Variants in DNAH14 observed in about 807,000 individuals in gnomAD.
The protein encoded by DNAH14 is axonemal beta dynein heavy chain 14.
Under a neutral mutation model 520.9 loss-of-function variants are expected in DNAH14, and 478 were observed. The observed-to-expected ratio is 0.92, with a 90% CI of 0.85 to 0.99. DNAH14 has a LOEUF of 0.99. Among genes scored for constraint, DNAH14 ranks in the 50% least tolerant of loss-of-function variants. The pLI is 0.00. For missense variants in DNAH14, 4,831 were observed against 5,234.5 expected, an observed-to-expected ratio of 0.92 and a Z score of 2.38; for synonymous variants, 1,581 against 1,757.2, an observed-to-expected ratio of 0.90 and a Z score of 2.51.
At chr1:225,190,965 C>T (rs1417679866) in intron 37 of DNAH14, among the ~76,000 whole-genome samples, 2 of 152,134 alleles carry the variant, frequency 1.3e-5, no homozygotes, top group Middle Eastern at 3.4e-3. Context: ...TCTACTCCTT[C>T]CCAGCTCTGT....
At position 225,252,904 on chromosome 1, in the gene DNAH14, T is replaced by G. The variant is rs371626431; in HGVS notation, c.6865+487T>G. On this transcript the variant is annotated intron_variant, in intron 44 of 85. Transcript: ENST00000682510. ...TCTACATATAGCAGAAAAAAGAAACTTGTTGCACTTTGAGAGCTTGGTAGA... is the reference window on the plus strand; with the variant it reads ...TCTACATATAGCAGAAAAAAGAAACGTGTTGCACTTTGAGAGCTTGGTAGA... Among the ~76,000 whole-genome samples, 11 of 152,272 alleles carry G rather than the reference T, an allele frequency of 7.2e-5. No homozygotes were observed. In the East Asian group the frequency reaches 1.7e-3, roughly 24 times the overall value.
intron 2 of DNAH14, 57 bp from the exon 3 acceptor site, chr1:224,954,902 A>T: frequency 7.1e-7 from 1 of 1,413,296 alleles, no homozygotes; most frequent in Non-Finnish European, 9.8e-7. Context: ...ATAGCTCAGT[A>T]TTTTATTGGT....
chr1:225,040,420 G>A (rs758002685), intron 12 of DNAH14, among the ~76,000 whole-genome samples: 1 of 152,006 alleles, frequency 6.6e-6, no homozygotes, highest in Non-Finnish European at 1.5e-5. Context: ...TTTTACTTTC[G>A]TATATGTATA....
At position 225,324,756 on chromosome 1, in the gene DNAH14, T is replaced by G; in HGVS notation, c.9647T>G (p.Ile3216Ser). The change falls in exon 64 of 86, where the codon ATC becomes AGC. Residue 3216 changes from isoleucine to serine, a missense_variant. Coordinates refer to ENST00000682510, the MANE Select transcript of DNAH14 (RefSeq NM_001367479.1). ...TTTAAGGTTGTGGGCCCTAAACAAA[T>G]CCAAGTAGCTGAAGCTCAAAACGTC... ...EVQKVVGPKQ[I>S]QVAEAQNVLK... The G allele has an allele frequency of 6.4e-7, 1 of 1,551,454 alleles. No individual in the cohort carries two copies. Among genetic ancestry groups the G allele is most frequent in the Non-Finnish European group, 8.7e-7 (1 of 1,146,896 alleles).
At chr1:225,255,815 A>C (rs1465726464) in intron 44 of DNAH14, among the ~76,000 whole-genome samples, 1 of 152,200 alleles carries the variant, frequency 6.6e-6, no homozygotes, top group African/African-American at 2.4e-5. Flanking sequence ...ACCATTTATA[A>C]AGAAATAAAA....
intron 8 of DNAH14, among the ~76,000 whole-genome samples, chr1:224,986,375 G>A (rs1280314175): frequency 7.1e-6 from 1 of 139,862 alleles, no homozygotes; most frequent in Admixed American, 7.0e-5. Flanking sequence ...AAAAAATGAT[G>A]CAAAAATCCT....
chr1:225,382,046 C>A (rs2095789925), intron 81 of DNAH14, among the ~76,000 whole-genome samples: 2 of 152,202 alleles, frequency 1.3e-5, no homozygotes, highest in South Asian at 4.1e-4. Flanking sequence ...ATGTTGGACA[C>A]AAACACTATT....
intron 23 of DNAH14, among the ~76,000 whole-genome samples, chr1:225,110,085 A>T (rs888367997): frequency 6.6e-6 from 1 of 152,032 alleles, no homozygotes; most frequent in Non-Finnish European, 1.5e-5. Context: ...TTTGGTTTGC[A>T]TGCATTTTGT....
chr1:224,987,871 C>T (rs776021334), intron 8 of DNAH14, among the ~76,000 whole-genome samples: 2 of 152,126 alleles, frequency 1.3e-5, no homozygotes, highest in Non-Finnish European at 2.9e-5. Flanking sequence ...CATGATCCAC[C>T]TCCCTTGGCT....
At chr1:225,254,092 T>C (rs1406617928) in intron 44 of DNAH14, among the ~76,000 whole-genome samples, 2 of 151,942 alleles carry the variant, frequency 1.3e-5, no homozygotes, top group Middle Eastern at 3.2e-3. Context: ...TTCTTGCTCC[T>C]GAGATGTGGT....
At chr1:225,128,091 T>C (rs556883721) in intron 27 of DNAH14, among the ~76,000 whole-genome samples, 3 of 152,346 alleles carry the variant, frequency 2.0e-5, no homozygotes, top group Non-Finnish European at 2.9e-5. Flanking sequence ...GTTAGTCTAA[T>C]GGGCTTCCCT....
chr1:224,956,486 T>G (rs2060520033), intron 3 of DNAH14, among the ~76,000 whole-genome samples: 3 of 152,150 alleles, frequency 2.0e-5, no homozygotes. Context: ...TATACAGATT[T>G]GTAGCCTCGG....
intron 43 of DNAH14, among the ~76,000 whole-genome samples, chr1:225,243,565 A>G (rs2092096958): frequency 6.6e-6 from 1 of 152,144 alleles, no homozygotes; most frequent in African/African-American, 2.4e-5. Context: ...TCCTAAAAAG[A>G]TAAATGAATG....
chr1:225,031,211 A>AC (rs2066497296), intron 11 of DNAH14, among the ~76,000 whole-genome samples: 1 of 152,028 alleles, frequency 6.6e-6, no homozygotes, highest in Admixed American at 6.6e-5. Context: ...TTGCATATTG[A>AC]CCTTGTATCT....
intron 34 of DNAH14, among the ~76,000 whole-genome samples, chr1:225,154,362 T>A (rs1025409226): frequency 6.6e-6 from 1 of 152,114 alleles, no homozygotes; most frequent in South Asian, 2.1e-4. Flanking sequence ...TGCTTATTTT[T>A]GGGCAAGCTG....
At position 225,322,766 on chromosome 1, in the gene DNAH14, A is replaced by G. The variant is rs1198251153; in HGVS notation, c.9438A>G (p.Ser3146=). The G allele has an allele frequency of 6.4e-7, 1 of 1,551,740 alleles. No individual in the cohort carries two copies. The highest frequency in any genetic ancestry group is 1.4e-5 in the African/African-American group (1 of 73,040). ...PNWATAKLLL[S]ETGFLKKLIN... ...GGGCAACGGCAAAGTTACTTCTTTCAGAAACTGGTTTCCTGAAAAAATTGA... is the reference window on the plus strand; with the variant it reads ...GGGCAACGGCAAAGTTACTTCTTTCGGAAACTGGTTTCCTGAAAAAATTGA... Residue 3146 remains serine (S), a synonymous_variant, in exon 62 of 86, where the codon TCA becomes TCG. Transcript: ENST00000682510.
At chr1:225,239,418 G>T (rs1209076419) in intron 42 of DNAH14, among the ~76,000 whole-genome samples, 1 of 152,110 alleles carries the variant, frequency 6.6e-6, no homozygotes, top group Non-Finnish European at 1.5e-5. Context: ...CCCTTGGCTG[G>T]GGGTGGAAGG....
chr1:225,181,363 C>A (rs2083974995), intron 36 of DNAH14, among the ~76,000 whole-genome samples: 1 of 152,146 alleles, frequency 6.6e-6, no homozygotes, highest in South Asian at 2.1e-4. Context: ...ATTGCTGGGG[C>A]AAATGGTAGT....
At chr1:225,190,266 T>C (rs1190083512) in intron 37 of DNAH14, among the ~76,000 whole-genome samples, 1 of 152,074 alleles carries the variant, frequency 6.6e-6, no homozygotes, top group Non-Finnish European at 1.5e-5. Context: ...ATAAAAATTA[T>C]GTGAATGTGA....
Sources: gnomAD v4.1 joint callset for allele counts (sites outside exome capture counted in the v4.1 genomes callset) on GRCh38, gnomAD v4.1.1 for gene constraint, MANE v1.5 for transcripts, NCBI Gene and HGNC (gene_info 2026-07-23, HGNC 2026-07-21) for gene names.